The following DNAJC24 variants were observed in gnomAD, a reference collection of about 807,000 sequenced individuals.
The protein encoded by DNAJC24 is dnaJ homolog subfamily C member 24.
A neutral mutation model predicts 18.0 loss-of-function variants in DNAJC24; 17 were observed. The ratio of observed to expected loss-of-function variants is 0.94; its 90% CI spans 0.65 to 1.42. The LOEUF is 1.42. Among genes scored for constraint, DNAJC24 ranks in the 40% most tolerant of loss-of-function variants. The probability of loss-of-function intolerance (pLI) is 0.00; values close to 1 mark genes in which losing one functional copy is unlikely to be tolerated. For missense variants in DNAJC24, 158 were observed against 175.6 expected (o/e 0.90, Z 0.57); for synonymous variants, 55 against 57.7 (o/e 0.95, Z 0.21).
At chr11:31,394,979 G>C (rs539809066) in intron 2 of DNAJC24, among the ~76,000 whole-genome samples, 4 of 152,074 alleles carry the variant, frequency 2.6e-5, no homozygotes, top group African/African-American at 7.2e-5. Flanking sequence ...TGTCACTCAG[G>C]TGATAAGCAT....
chr11:31,411,555 T>C (rs1952709954), intron 2 of DNAJC24, among the ~76,000 whole-genome samples: 1 of 152,238 alleles, frequency 6.6e-6, no homozygotes, highest in Admixed American at 6.5e-5. Context: ...TTCCAGCTTC[T>C]GGAGGCTGCA....
At chr11:31,403,024 T>G (rs1382082626) in intron 2 of DNAJC24, among the ~76,000 whole-genome samples, 1 of 152,196 alleles carries the variant, frequency 6.6e-6, no homozygotes, top group East Asian at 1.9e-4. Flanking sequence ...TCTTTTAAAT[T>G]CTTAGCTATT....
At chr11:31,404,404 T>A (rs1413789387) in intron 2 of DNAJC24, among the ~76,000 whole-genome samples, 2 of 152,172 alleles carry the variant, frequency 1.3e-5, no homozygotes, top group East Asian at 3.8e-4. Flanking sequence ...GCTTACTGAG[T>A]TGCTCATTTA....
intron 2 of DNAJC24, among the ~76,000 whole-genome samples, chr11:31,371,289 G>A (rs1952244762): frequency 6.6e-6 from 1 of 152,042 alleles, no homozygotes; most frequent in African/African-American, 2.4e-5. Flanking sequence ...ATATACACTG[G>A]ATTTTAAAGA....
intron 3 of DNAJC24, chr11:31,416,403 T>C (rs1037978394): frequency 2.6e-5 from 4 of 152,210 alleles, no homozygotes; most frequent in Non-Finnish European, 5.9e-5. Context: ...TTGAAACTAA[T>C]GCACATGAAT....
chr11:31,399,465 A>T (rs1414623809), intron 2 of DNAJC24, among the ~76,000 whole-genome samples: 2 of 136,708 alleles, frequency 1.5e-5, no homozygotes, highest in African/African-American at 5.7e-5. Flanking sequence ...CCCAGGCTGG[A>T]GTACAGTGGC....
intron 2 of DNAJC24, chr11:31,396,200 A>T: frequency 4.7e-6 from 2 of 422,664 alleles, no homozygotes; most frequent in Non-Finnish European, 9.3e-6. Context: ...TTGAATTTTG[A>T]AATTTCTTCC....
chr11:31,399,681 G>C (rs576276954), intron 2 of DNAJC24, among the ~76,000 whole-genome samples: 205 of 150,486 alleles, frequency 1.4e-3, no homozygotes, highest in African/African-American at 4.7e-3. Flanking sequence ...CAAAGTGCTG[G>C]GGTTACAGGC....
chr11:31,432,419 T>C lies in DNAJC24; in HGVS notation c.*2018T>C, dbSNP rs1952936258. 1.1e-6 allele frequency: 1 copy of C among 922,564 alleles called. No individual in the cohort carries two copies. Among genetic ancestry groups the C allele is most frequent in the Non-Finnish European group, 1.7e-6 (1 of 572,136 alleles). 57.1% of individuals were successfully genotyped at this position (922,564 alleles called of 1,614,324 possible). On this transcript the variant is annotated 3_prime_UTR_variant, in exon 5 of 5. Coordinates refer to ENST00000465995, the MANE Select transcript of DNAJC24 (RefSeq NM_181706.5). ...CTAAAACTGAATAGCAAATAGTTTA[T>C]TGGTAAGTACACGGTTTCAACGGGA...
intron 2 of DNAJC24, among the ~76,000 whole-genome samples, chr11:31,406,385 AC>A (rs563056969): frequency 6.6e-5 from 10 of 152,214 alleles, no homozygotes; most frequent in Admixed American, 1.3e-4. Context: ...CATATTTTGT[AC>A]TTTTGGGGAA....
At chr11:31,421,575 A>C (rs1952804535) in intron 3 of DNAJC24, among the ~76,000 whole-genome samples, 1 of 152,340 alleles carries the variant, frequency 6.6e-6, no homozygotes, top group African/African-American at 2.4e-5. Flanking sequence ...GCCATAATGA[A>C]TAAAGTTAAA....
chr11:31,431,397 C>T lies in DNAJC24; in HGVS notation c.*996C>T, dbSNP rs1017598087. ...AACTCCTGGCCTCAAATGATCCGCC[C>T]ACCTCAACCTCCCAAAGTGCTGGGA... On this transcript the variant is annotated 3_prime_UTR_variant, in exon 5 of 5. Coordinates refer to ENST00000465995, the MANE Select transcript of DNAJC24 (RefSeq NM_181706.5). The T allele has an allele frequency of 7.3e-5, 11 of 151,276 alleles. No individual in the cohort carries two copies. Among genetic ancestry groups the T allele is most frequent in the African/African-American group, 2.7e-4 (11 of 41,168 alleles). 9.4% of individuals were successfully genotyped at this position (151,276 alleles called of 1,614,324 possible).
chr11:31,429,034 C>G (rs1248811409), intron 4 of DNAJC24, among the ~76,000 whole-genome samples: 1 of 151,980 alleles, frequency 6.6e-6, no homozygotes, highest in African/African-American at 2.4e-5. Context: ...GAATATGTAT[C>G]TTTTTAGACA....
At chr11:31,387,026 G>A (rs991593996) in intron 2 of DNAJC24, among the ~76,000 whole-genome samples, 1 of 152,168 alleles carries the variant, frequency 6.6e-6, no homozygotes, top group African/African-American at 2.4e-5. Context: ...GAGGAAAAGA[G>A]AGGAAAAAGT....
intron 4 of DNAJC24, chr11:31,429,365 T>C: frequency 4.0e-6 from 1 of 251,680 alleles, no homozygotes; most frequent in South Asian, 4.0e-5. Context: ...TTAATCAAAT[T>C]TGATAATGGA....
At chr11:31,388,783 A>C (rs533711138) in intron 2 of DNAJC24, among the ~76,000 whole-genome samples, 1 of 152,318 alleles carries the variant, frequency 6.6e-6, no homozygotes, top group South Asian at 2.1e-4. Flanking sequence ...ATGAACCTAT[A>C]AAAAGTAATT....
intron 2 of DNAJC24, among the ~76,000 whole-genome samples, chr11:31,381,326 A>G (rs185361200): frequency 6.6e-6 from 1 of 152,040 alleles, no homozygotes; most frequent in East Asian, 1.9e-4. Context: ...TGCTTGAATT[A>G]TTTTCTGTGT....
intron 2 of DNAJC24, among the ~76,000 whole-genome samples, chr11:31,395,832 G>C (rs1419219523): frequency 6.6e-6 from 1 of 152,120 alleles, no homozygotes; most frequent in Non-Finnish European, 1.5e-5. Context: ...TTATACAGTT[G>C]AATAACTTTT....
intron 2 of DNAJC24, among the ~76,000 whole-genome samples, chr11:31,399,198 T>C (rs1290077950): frequency 6.6e-6 from 1 of 152,150 alleles, no homozygotes; most frequent in Non-Finnish European, 1.5e-5. Context: ...CTTGCATATA[T>C]TCAAAAGAGA....
Sources: gnomAD v4.1 joint callset for allele counts (sites outside exome capture counted in the v4.1 genomes callset) on GRCh38, gnomAD v4.1.1 for gene constraint, MANE v1.5 for transcripts, NCBI Gene and HGNC (gene_info 2026-07-23, HGNC 2026-07-21) for gene names.